Variants in NEDD4L observed in about 807,000 individuals in gnomAD.
NEDD4L encodes the protein NEDD4 like E3 ubiquitin protein ligase.
A neutral mutation model predicts 148.9 loss-of-function variants in NEDD4L; 54 were observed. The ratio of observed to expected loss-of-function variants is 0.36; its 90% confidence interval spans 0.29 to 0.45. The LOEUF (loss-of-function observed/expected upper bound fraction) is 0.45, where lower values mean the gene tolerates loss of function less well. Ranked by LOEUF, NEDD4L falls within the 20% of genes least tolerant of loss-of-function variation. The pLI is 1.00. For missense variants in NEDD4L, 856 were observed against 1,233.8 expected, an observed-to-expected ratio of 0.69 and a Z score of 4.59; for synonymous variants, 433 against 440.7, an observed-to-expected ratio of 0.98 and a Z score of 0.22.
At chr18:58,192,916 CTT>C (rs2040269273) in intron 2 of NEDD4L, among the ~76,000 whole-genome samples, 6 of 152,202 alleles carry the variant, frequency 3.9e-5, no homozygotes, top group African/African-American at 7.2e-5. Flanking sequence ...TTTCTGCCTG[CTT>C]TCTTCACTTC....
At chr18:58,086,269 T>TAC (rs2083753732) in intron 1 of NEDD4L, among the ~76,000 whole-genome samples, 2 of 152,134 alleles carry the variant, frequency 1.3e-5, no homozygotes, top group Non-Finnish European at 2.9e-5. Context: ...ACCTGTTGTG[T>TAC]CAGAAGGGAG....
chr18:58,245,460 G>A lies in NEDD4L; in HGVS notation c.156G>A (p.Ala52=), dbSNP rs780349353. Residue 52 remains alanine (A), a synonymous_variant, in exon 3 of 31, where the codon GCG becomes GCA. Coordinates refer to ENST00000400345, the MANE Select transcript of NEDD4L (RefSeq NM_001144967.3). ...ATGTGAAACTTTCATTGTACGTAGC[G>A]GATGAGAATAGAGAACTTGCTTTGG... ...DPYVKLSLYV[A]DENRELALVQ... is the part of the protein sequence containing the mutation. 17 of 1,582,376 alleles carry A rather than the reference G, an allele frequency of 1.1e-5. No homozygotes were observed. The highest frequency in any genetic ancestry group is 5.4e-5 in the African/African-American group (4 of 74,344).
chr18:58,180,201 C>T (rs968087814), intron 2 of NEDD4L, among the ~76,000 whole-genome samples: 3 of 152,212 alleles, frequency 2.0e-5, no homozygotes, highest in Non-Finnish European at 2.9e-5. Context: ...CCGCGGTGCG[C>T]TCTTCCTCCT....
rs79830114 is a variant in NEDD4L, at chr18:58,102,308, T to G, written c.48+57600T>G. Among the ~76,000 whole-genome samples, 194 of 152,302 alleles carry G rather than the reference T, an allele frequency of 1.3e-3. 4 individuals are homozygous for G. In the East Asian group the frequency reaches 0.029, roughly 23 times the overall value. ...AGACACAGGGCCTAGGAAGACTGATTAAAAATCAACTTTTAACTACTATAA... is the reference window on the plus strand; with the variant it reads ...AGACACAGGGCCTAGGAAGACTGATGAAAAATCAACTTTTAACTACTATAA... On this transcript the variant is annotated intron_variant, in intron 1 of 30. Transcript: ENST00000400345.
chr18:58,132,927 CCAAA>C (rs1388449388), intron 1 of NEDD4L, among the ~76,000 whole-genome samples: 1 of 152,076 alleles, frequency 6.6e-6, no homozygotes, highest in African/African-American at 2.4e-5. Context: ...ATCACCAAAC[CCAAA>C]CAGAGAATGT....
At chr18:58,229,978 G>A (rs1021896198) in intron 2 of NEDD4L, among the ~76,000 whole-genome samples, 3 of 152,072 alleles carry the variant, frequency 2.0e-5, no homozygotes, top group Non-Finnish European at 2.9e-5. Flanking sequence ...GACAGAGTGA[G>A]ACTCTGTCTC....
chr18:58,132,418 CA>C (rs1256700154), intron 1 of NEDD4L, among the ~76,000 whole-genome samples: 2 of 152,192 alleles, frequency 1.3e-5, no homozygotes, highest in Admixed American at 6.5e-5. Flanking sequence ...ACATGTACTA[CA>C]GTGATGGAGT....
intron 1 of NEDD4L, chr18:58,045,560 A>G (rs137882501): frequency 1.6e-4 from 25 of 154,762 alleles, no homozygotes; most frequent in Middle Eastern, 3.2e-3. Flanking sequence ...TTTTGAAACA[A>G]TCCTGCTAAA....
chr18:58,259,046 G>A (rs766622316), intron 5 of NEDD4L, among the ~76,000 whole-genome samples: 25 of 152,112 alleles, frequency 1.6e-4, no homozygotes, highest in Non-Finnish European at 3.2e-4. Flanking sequence ...GGAATGATAC[G>A]GAAAGTCTTC....
At chr18:58,326,779 T>G (rs754286375) in intron 9 of NEDD4L, among the ~76,000 whole-genome samples, 8 of 152,234 alleles carry the variant, frequency 5.3e-5, no homozygotes, top group Non-Finnish European at 7.3e-5. Context: ...TCATGCAGAT[T>G]AGAGTTTGTA....
chr18:58,366,249 A>C lies in NEDD4L; in HGVS notation c.2063+21A>C, dbSNP rs753415850. ...GCCACGTAAGTATATGGCCACACCCAGTGTGTGTCCCCCACTGAGACAGTT... is the reference window on the plus strand; with the variant it reads ...GCCACGTAAGTATATGGCCACACCCCGTGTGTGTCCCCCACTGAGACAGTT... On this transcript the variant is annotated intron_variant, in intron 21 of 30. Transcript: ENST00000400345. The surrounding 1 kb of genome is among the most constrained non-coding windows in gnomAD (Gnocchi z 4.2). The C allele has an allele frequency of 6.8e-7, 1 of 1,480,198 alleles. No individual in the cohort carries two copies. The allele number at this position is 1,480,198 out of a possible 1,614,324, so 91.7% of individuals were successfully genotyped here. A position where few individuals can be genotyped will look rare whatever the true frequency, so the allele number is the denominator to read the frequency against.
intron 1 of NEDD4L, among the ~76,000 whole-genome samples, chr18:58,121,733 A>G (rs893636843): frequency 6.6e-6 from 1 of 152,166 alleles, no homozygotes; most frequent in African/African-American, 2.4e-5. Flanking sequence ...TATGTTTATT[A>G]TATTTTCTGA....
chr18:58,295,565 A>G (rs1208070674), intron 5 of NEDD4L, among the ~76,000 whole-genome samples: 2 of 152,206 alleles, frequency 1.3e-5, no homozygotes, highest in Non-Finnish European at 2.9e-5. Flanking sequence ...AGCTGCTATG[A>G]GCTTTTTAAA....
In NEDD4L at chr18:58,400,566, A is replaced by G. The variant is rs2050785177; in HGVS notation, c.*4297A>G. ...GCTTCCTGTTGGCATGAAATTTTCCAAGCAAACCTCATTAAACATCTGTTG... is the reference window on the plus strand; with the variant it reads ...GCTTCCTGTTGGCATGAAATTTTCCGAGCAAACCTCATTAAACATCTGTTG... On this transcript the variant is annotated 3_prime_UTR_variant, in exon 31 of 31. Transcript: ENST00000400345. The G allele has an allele frequency of 6.6e-6, 1 of 152,218 alleles. No homozygotes were observed. The highest frequency in any genetic ancestry group is 2.4e-5 in the African/African-American group (1 of 41,454). The allele number at this position is 152,218 out of a possible 1,614,324, so 9.4% of individuals were successfully genotyped here.
intron 5 of NEDD4L, among the ~76,000 whole-genome samples, chr18:58,271,140 T>A (rs914605516): frequency 2.0e-5 from 3 of 152,190 alleles, no homozygotes; most frequent in African/African-American, 7.2e-5. Flanking sequence ...TCCTCACAGA[T>A]GTTTAGGAAT....
intron 1 of NEDD4L, among the ~76,000 whole-genome samples, chr18:58,164,542 G>A (rs543060202): frequency 6.6e-6 from 1 of 152,252 alleles, no homozygotes; most frequent in East Asian, 1.9e-4. Flanking sequence ...TGTGATCTTG[G>A]CTCACTGAAA....
intron 7 of NEDD4L, 125 bp from the exon 8 acceptor site, chr18:58,323,107 G>A (rs760188147): frequency 4.5e-5 from 26 of 576,528 alleles, no homozygotes; most frequent in Non-Finnish European, 6.0e-5. Flanking sequence ...CCTGTGTGCT[G>A]TGGGTATGGG....
intron 18 of NEDD4L, among the ~76,000 whole-genome samples, chr18:58,352,094 T>G (rs1442694320): frequency 2.0e-5 from 3 of 152,208 alleles, no homozygotes; most frequent in Non-Finnish European, 4.4e-5. Flanking sequence ...CAACTGAAAG[T>G]AGAAGTCCTA....
In NEDD4L at chr18:58,243,000, C is replaced by G. The variant is rs180694176; in HGVS notation, c.123-2427C>G. ...TTCCCACCTGACTTCTTTATTACTG[C>G]TGGAAGATATGGTGTCCCACACCTA... On this transcript the variant is annotated intron_variant, in intron 2 of 30. Transcript: ENST00000400345. Among the ~76,000 whole-genome samples, 283 of 152,330 alleles carry G rather than the reference C, an allele frequency of 1.9e-3. 1 individual carries two copies. Among genetic ancestry groups the G allele is most frequent in the Non-Finnish European group, 2.9e-3 (198 of 68,026 alleles).
Sources: gnomAD v4.1 joint callset for allele counts (sites outside exome capture counted in the v4.1 genomes callset) on GRCh38, gnomAD v4.1.1 for gene constraint, Gnocchi (gnomAD v3.1) non-coding constraint, MANE v1.5 for transcripts, NCBI Gene and HGNC (gene_info 2026-07-23, HGNC 2026-07-21) for gene names.